RNPC3: variants seen among roughly 807,000 people sequenced by gnomAD.
The protein encoded by RNPC3 is RNA binding region (RNP1, RRM) containing 3.
Under a neutral mutation model 67.5 loss-of-function variants are expected in RNPC3, and 48 were observed. That is an observed-to-expected ratio of 0.71 (90% CI 0.56 to 0.90). The LOEUF (loss-of-function observed/expected upper bound fraction) is 0.90. Ranked by LOEUF, RNPC3 falls within the 40% of genes least tolerant of loss-of-function variation. The pLI is 0.00. For missense variants in RNPC3, 637 were observed against 626.1 expected, an observed-to-expected ratio of 1.02 and a Z score of -0.19; for synonymous variants, 239 against 210.3, an observed-to-expected ratio of 1.14 and a Z score of -1.18.
chr1:103,551,322 A>G, intron 13 of RNPC3: 1 of 444,160 alleles, frequency 2.3e-6, no homozygotes, highest in Non-Finnish European at 4.0e-6. Context: ...GCAGCTCAAA[A>G]GTACATAGGC....
intron 4 of RNPC3, 132 bp downstream of exon 4, chr1:103,534,989 TA>T (rs1650946390): frequency 1.8e-6 from 1 of 556,144 alleles, no homozygotes. Flanking sequence ...TATTGTGTTA[TA>T]TACAGATATC....
At chr1:103,526,875 A>T (rs1460248563) in intron 1 of RNPC3, among the ~76,000 whole-genome samples, 1 of 152,176 alleles carries the variant, frequency 6.6e-6, no homozygotes, top group East Asian at 1.9e-4. Flanking sequence ...TCTTCATTAA[A>T]ATAGGAATAG....
At chr1:103,544,164 ATGTGTGTGTGTT>A (rs1651189848) in intron 9 of RNPC3, among the ~76,000 whole-genome samples, 1 of 151,430 alleles carries the variant, frequency 6.6e-6, no homozygotes, top group East Asian at 1.9e-4. Flanking sequence ...ATATACATAC[ATGTGTGTGTGTT>A]TGTGTGTGTG....
rs1247000077 is a variant in RNPC3 at position 103,533,978 on chromosome 1, A to ATTT, written c.359+124_359+126dup. ...CAAGTAATTGGAAGAGGAATGACAG[A>ATTT]TTTTTCCATTAAACCTAGTACAGTA... On this transcript the variant is annotated intron_variant, in intron 3 of 14. Coordinates refer to ENST00000423855, the MANE Select transcript of RNPC3 (RefSeq NM_017619.4). 1.1e-5 allele frequency: 7 copies of ATTT among 638,744 alleles called. No homozygotes were observed. The East Asian group carries it at 1.9e-4, about 18-fold the overall frequency. The allele number at this position is 638,744 out of a possible 1,614,324, so 39.6% of individuals were successfully genotyped here.
chr1:103,544,896 T>C, intron 9 of RNPC3, 45 bp from the exon 10 acceptor site: 4 of 1,315,442 alleles, frequency 3.0e-6, no homozygotes, highest in Non-Finnish European at 4.1e-6. Flanking sequence ...AAACTATTTT[T>C]AAAGGAGAGA....
intron 1 of RNPC3, 100 bp downstream of exon 1, chr1:103,526,362 T>C: frequency 2.1e-6 from 2 of 959,136 alleles, no homozygotes; most frequent in South Asian, 3.6e-5. Context: ...GTGGGGAAGA[T>C]GGACTTGTGT....
intron 4 of RNPC3, among the ~76,000 whole-genome samples, chr1:103,535,068 TA>T (rs1650948246): frequency 6.6e-6 from 1 of 152,038 alleles, no homozygotes; most frequent in Admixed American, 6.6e-5. Context: ...ATATGTTGAA[TA>T]AACATTTTGA....
rs1650683144 is a variant in RNPC3 at position 103,525,826 on chromosome 1, A to AAGT, written c.-244_-242dup. On this transcript the variant is annotated 5_prime_UTR_variant, in exon 1 of 15. Coordinates refer to ENST00000423855, the MANE Select transcript of RNPC3 (RefSeq NM_017619.4). ...CATCTCTGGGCCAATTTTTGCTTGT[A>AAGT]AGTCTTTCCGGAGACCCCTGGAATT... 2.3e-6 allele frequency: 1 copy of AAGT among 438,238 alleles called. No homozygotes were observed. The highest frequency in any genetic ancestry group is 2.0e-5 in the African/African-American group (1 of 49,082). 27.1% of individuals were successfully genotyped at this position (438,238 alleles called of 1,614,324 possible). A position where few individuals can be genotyped will look rare whatever the true frequency, so the allele number is the denominator to read the frequency against.
chr1:103,546,755 G>A, intron 11 of RNPC3: 1 of 416,204 alleles, frequency 2.4e-6, no homozygotes, highest in Non-Finnish European at 4.2e-6. Context: ...CACCTTCCTT[G>A]GCTTGTGGAA....
intron 14 of RNPC3, 93 bp downstream of exon 14, chr1:103,551,885 CTTT>C (rs74262182): frequency 1.4e-3 from 663 of 471,744 alleles, no homozygotes; most frequent in South Asian, 2.3e-3. Flanking sequence ...TCAGGTATCT[CTTT>C]TTTTTTTTTT....
Position 103,546,337 on chromosome 1 carries a change from GA to G in RNPC3, c.1301del (p.Lys434ArgfsTer26). ...AAAGAATTTAGCTAAACATGTTCAA[GA>G]AAAGGTAGGTATAAATTGATTTTTT... The part of the protein sequence containing the change: ...YVKNLAKHVQ[E>X]KDLKYIFGRY... On this transcript the variant is annotated frameshift_variant, in exon 11 of 15. Transcript: ENST00000423855. LOFTEE classifies it high-confidence loss of function. 7.1e-7 allele frequency: 1 copy of G among 1,402,708 alleles called. No homozygotes were observed. Among genetic ancestry groups the G allele is most frequent in the Non-Finnish European group, 9.5e-7 (1 of 1,056,544 alleles). The allele number at this position is 1,402,708 out of a possible 1,614,324, so 86.9% of individuals were successfully genotyped here. A position where few individuals can be genotyped will look rare whatever the true frequency, so the allele number is the denominator to read the frequency against.
intron 7 of RNPC3, among the ~76,000 whole-genome samples, chr1:103,538,087 C>T (rs1010476014): frequency 2.0e-5 from 3 of 151,920 alleles, no homozygotes; most frequent in Admixed American, 1.3e-4. Flanking sequence ...TCAGGTGATC[C>T]GCCTGCCTCA....
In RNPC3 at chr1:103,526,088, G is replaced by C; in HGVS notation, c.18G>C (p.Gln6His). The change falls in exon 1 of 15, where the codon CAG becomes CAC. Residue 6 changes from glutamine (Q) to histidine (H), a missense_variant. Physicochemically the swap from Gln to His is conservative, Grantham distance 24 (BLOSUM62 0). Around this residue, in one of 3 missense-constraint regions of RNPC3, gnomAD observed 536 missense variants for 500.3 expected, o/e 1.07. Transcript: ENST00000423855. MAAPE[Q>H]PLAISRGCTS... ...CAAGGAAAATGGCAGCTCCCGAGCAGCCGCTTGCGATATCAAGGGGATGCA... is the reference window on the plus strand; with the variant it reads ...CAAGGAAAATGGCAGCTCCCGAGCACCCGCTTGCGATATCAAGGGGATGCA... 1 of 1,540,984 alleles carries C rather than the reference G, an allele frequency of 6.5e-7. No individual in the cohort carries two copies.
At chr1:103,540,094 T>A (rs1007238424) in intron 7 of RNPC3, among the ~76,000 whole-genome samples, 1 of 152,218 alleles carries the variant, frequency 6.6e-6, no homozygotes, top group African/African-American at 2.4e-5. Context: ...CTCAAAATCC[T>A]GGGCTCAAGT....
chr1:103,527,852 A>T, intron 2 of RNPC3, 110 bp downstream of exon 2: 1 of 729,906 alleles, frequency 1.4e-6, no homozygotes, highest in Non-Finnish European at 2.3e-6. Context: ...TTGTATTCCA[A>T]CAGTTTCCCC....
At chr1:103,526,899 C>G (rs1210337448) in intron 1 of RNPC3, among the ~76,000 whole-genome samples, 1 of 152,042 alleles carries the variant, frequency 6.6e-6, no homozygotes, top group East Asian at 1.9e-4. Flanking sequence ...TGGTGCAAGA[C>G]TCAGTGGTTT....
chr1:103,554,015 A>G (rs1651467289), intron 14 of RNPC3: 1 of 152,218 alleles, frequency 6.6e-6, no homozygotes, highest in Non-Finnish European at 1.5e-5. Context: ...CACCAAGAAC[A>G]GTGGTTCTCA....
chr1:103,551,327 A>G, intron 13 of RNPC3: 1 of 438,176 alleles, frequency 2.3e-6, no homozygotes, highest in Non-Finnish European at 4.0e-6. Context: ...TCAAAAGTAC[A>G]TAGGCATGCT....
At chr1:103,541,551 A>C in intron 8 of RNPC3, 76 bp downstream of exon 8, 2 of 1,321,792 alleles carry the variant, frequency 1.5e-6, no homozygotes, top group Non-Finnish European at 2.0e-6. Context: ...ATCATTCTTC[A>C]TTCTGGCATT....
Sources: gnomAD v4.1 joint callset for allele counts (sites outside exome capture counted in the v4.1 genomes callset) on GRCh38, gnomAD v4.1.1 for gene constraint, gnomAD v4.1.1 regional missense constraint, MANE v1.5 for transcripts, NCBI Gene and HGNC (gene_info 2026-07-23, HGNC 2026-07-21) for gene names.